Variants in UBE2H observed in about 807,000 individuals in gnomAD.
The protein encoded by UBE2H is ubiquitin conjugating enzyme E2 H.
UBE2H carries 3 observed loss-of-function variants against 29.0 expected under a neutral mutation model. That is an observed-to-expected ratio of 0.10 (90% confidence interval 0.05 to 0.27). The LOEUF is 0.27. UBE2H is among the 10% of genes least tolerant of loss of function. The pLI, the probability that UBE2H is intolerant of heterozygous loss-of-function variation, is 1.00. For synonymous variants in UBE2H, 69 were observed against 82.9 expected, an observed-to-expected ratio of 0.83 and a Z score of 0.91; for missense variants, 68 against 228.2, an observed-to-expected ratio of 0.30 and a Z score of 4.52.
At chr7:129,872,171 T>G (rs911350263) in intron 3 of UBE2H, among the ~76,000 whole-genome samples, 2 of 152,104 alleles carry the variant, frequency 1.3e-5, no homozygotes, top group African/African-American at 4.8e-5. Flanking sequence ...TTCATTTTAT[T>G]TGTGAAAATA....
At chr7:129,923,698 T>C (rs887686115) in intron 1 of UBE2H, among the ~76,000 whole-genome samples, 3 of 152,198 alleles carry the variant, frequency 2.0e-5, no homozygotes, top group African/African-American at 7.2e-5. Context: ...GGAACAGTGA[T>C]GGAGAAATTT....
At chr7:129,924,935 C>T (rs970520111) in intron 1 of UBE2H, among the ~76,000 whole-genome samples, 1 of 151,412 alleles carries the variant, frequency 6.6e-6, no homozygotes, top group Non-Finnish European at 1.5e-5. Flanking sequence ...GTTGAGGGTA[C>T]AAGCTAAACT....
At chr7:129,887,221 T>C (rs1806381387) in intron 1 of UBE2H, among the ~76,000 whole-genome samples, 1 of 144,326 alleles carries the variant, frequency 6.9e-6, no homozygotes. Flanking sequence ...TCTTGAACTT[T>C]TTTTTTTTTT....
intron 1 of UBE2H, among the ~76,000 whole-genome samples, chr7:129,923,741 A>G (rs1307156748): frequency 6.6e-6 from 1 of 152,238 alleles, no homozygotes; most frequent in Non-Finnish European, 1.5e-5. Flanking sequence ...ATTTGAAATA[A>G]TTCTCACAAG....
intron 1 of UBE2H, among the ~76,000 whole-genome samples, chr7:129,929,935 A>G (rs1458972221): frequency 6.6e-6 from 1 of 152,082 alleles, no homozygotes; most frequent in Non-Finnish European, 1.5e-5. Context: ...ACTTGAACCC[A>G]GGAGGTGGAG....
chr7:129,873,558 C>G (rs1375309651), intron 3 of UBE2H, among the ~76,000 whole-genome samples: 1 of 151,654 alleles, frequency 6.6e-6, no homozygotes, highest in Non-Finnish European at 1.5e-5. Flanking sequence ...CCTCAGCCTC[C>G]CGAGTAGCTG....
At chr7:129,879,675 A>C (rs1381101658) in intron 2 of UBE2H, 33 bp from the exon 3 acceptor site, 2 of 1,548,506 alleles carry the variant, frequency 1.3e-6, no homozygotes, top group East Asian at 4.5e-5. Flanking sequence ...CATCAGAACT[A>C]CATCTCCAAA....
At position 129,831,228 on chromosome 7, in the gene UBE2H, C is replaced by T. The variant is rs1805220477; in HGVS notation, c.*3709G>A. ...AGAAATGCAGTTCGTTGCGCCCAAT[C>T]AGAGATAGATGATTTCATTCAACAA... is the stretch of plus-strand genomic sequence containing the variant. On this transcript the variant is annotated 3_prime_UTR_variant, in exon 7 of 7. Coordinates refer to ENST00000355621, the MANE Select transcript of UBE2H (RefSeq NM_003344.4). The T allele has an allele frequency of 6.6e-6, 1 of 152,164 alleles. No individual in the cohort carries two copies. Among genetic ancestry groups the T allele is most frequent in the African/African-American group, 2.4e-5 (1 of 41,450 alleles). 9.4% of individuals were successfully genotyped at this position (152,164 alleles called of 1,614,324 possible).
At chr7:129,837,599 G>A (rs952369144) in intron 6 of UBE2H, among the ~76,000 whole-genome samples, 3 of 144,368 alleles carry the variant, frequency 2.1e-5, no homozygotes, top group African/African-American at 7.8e-5. Context: ...GGAGGAGGAA[G>A]ACTGCATTGG....
chr7:129,944,715 A>AACACACACACACACACACAC (rs57825154), intron 1 of UBE2H, among the ~76,000 whole-genome samples: 1 of 143,956 alleles, frequency 6.9e-6, no homozygotes, highest in African/African-American at 2.6e-5. Context: ...ATGCGCTCAA[A>AACACACACACACACACACAC]ACACACACAC....
chr7:129,886,549 T>C (rs1025347426), intron 1 of UBE2H, among the ~76,000 whole-genome samples: 2 of 152,078 alleles, frequency 1.3e-5, no homozygotes, highest in African/African-American at 4.8e-5. Flanking sequence ...CTAAATTTAC[T>C]GATAACAAGT....
chr7:129,913,837 G>C (rs1249533250), intron 1 of UBE2H, among the ~76,000 whole-genome samples: 2 of 152,162 alleles, frequency 1.3e-5, no homozygotes, highest in East Asian at 3.8e-4. Context: ...CTTGCCTCAA[G>C]TCATCTAGTA....
intron 5 of UBE2H, among the ~76,000 whole-genome samples, chr7:129,851,675 C>T (rs999065443): frequency 6.6e-6 from 1 of 152,234 alleles, no homozygotes; most frequent in African/African-American, 2.4e-5. Flanking sequence ...GAGCCATACC[C>T]TGGCTGGCTC....
At chr7:129,922,459 T>C (rs1401157428) in intron 1 of UBE2H, among the ~76,000 whole-genome samples, 3 of 151,968 alleles carry the variant, frequency 2.0e-5, no homozygotes, top group South Asian at 2.1e-4. Context: ...CTAATTTTTG[T>C]AGAGATGGGA....
intron 1 of UBE2H, among the ~76,000 whole-genome samples, chr7:129,934,777 A>G (rs1807487251): frequency 6.6e-6 from 1 of 151,152 alleles, no homozygotes; most frequent in South Asian, 2.1e-4. Flanking sequence ...ATAAAATAAA[A>G]ATTTTAAAAA....
At chr7:129,922,318 C>G (rs1203619050) in intron 1 of UBE2H, among the ~76,000 whole-genome samples, 1 of 151,512 alleles carries the variant, frequency 6.6e-6, no homozygotes, top group Non-Finnish European at 1.5e-5. Context: ...TGGAGTCTTG[C>G]TCTGGCACCC....
At chr7:129,857,669 G>A (rs572038947) in intron 4 of UBE2H, 106 bp from the exon 5 acceptor site, 27 of 1,203,788 alleles carry the variant, frequency 2.2e-5, no homozygotes, top group African/African-American at 3.1e-5. Flanking sequence ...TAATAGATCT[G>A]TGAAAAAAAG....
intron 1 of UBE2H, among the ~76,000 whole-genome samples, chr7:129,892,260 T>C (rs1806511212): frequency 1.2e-5 from 1 of 84,380 alleles, no homozygotes; most frequent in African/African-American, 5.1e-5. Flanking sequence ...CAACCTTTCT[T>C]TTTTTTTTGA....
At chr7:129,848,593 A>C (rs1341250557) in intron 5 of UBE2H, among the ~76,000 whole-genome samples, 1 of 152,208 alleles carries the variant, frequency 6.6e-6, no homozygotes, top group African/African-American at 2.4e-5. Context: ...ATTATAGTTG[A>C]AACTCCTGGG....
Sources: allele counts gnomAD v4.1 joint callset (sites outside exome capture counted in the v4.1 genomes callset), GRCh38; gene constraint gnomAD v4.1.1; transcripts MANE v1.5; gene names NCBI Gene and HGNC (gene_info 2026-07-23, HGNC 2026-07-21).